Variants in PCID2 observed in about 807,000 individuals in gnomAD.
PCID2 encodes PCI domain containing 2.
In PCID2, 41 loss-of-function variants were observed where a neutral mutation model predicts 61.3. The ratio of observed to expected loss-of-function variants is 0.67; its 90% CI spans 0.52 to 0.87. The LOEUF is 0.87. Ranked by LOEUF, PCID2 falls within the 40% of genes least tolerant of loss-of-function variation. PCID2 has a pLI of 0.00. For synonymous variants in PCID2, 187 were observed against 177.8 expected, an observed-to-expected ratio of 1.05 and a Z score of -0.41; for missense variants, 392 against 493.4, an observed-to-expected ratio of 0.79 and a Z score of 1.95.
chr13:113,182,062 G>C (rs2037687045), intron 9 of PCID2, among the ~76,000 whole-genome samples: 1 of 152,164 alleles, frequency 6.6e-6, no homozygotes, highest in Non-Finnish European at 1.5e-5. Flanking sequence ...AGATGTTCCT[G>C]TTTATGTAAG....
intron 6 of PCID2, among the ~76,000 whole-genome samples, chr13:113,193,381 C>G (rs942174824): frequency 6.6e-6 from 1 of 152,122 alleles, no homozygotes; most frequent in Non-Finnish European, 1.5e-5. Context: ...CCATCTACAA[C>G]TTTGTGATGT....
chr13:113,170,905 G>A, the PCID2 span, among the ~76,000 whole-genome samples: 13 of 150,876 alleles, frequency 8.6e-5, no homozygotes, highest in Admixed American at 2.0e-4. Context: ...CCTTCTCATC[G>A]GCTTATCTGT....
At chr13:113,192,015 C>T (rs1181220067) in intron 6 of PCID2, among the ~76,000 whole-genome samples, 3 of 152,244 alleles carry the variant, frequency 2.0e-5, no homozygotes, top group South Asian at 4.1e-4. Flanking sequence ...CCAGCACTTT[C>T]GGGAGGCTGA....
chr13:113,193,599 G>A (rs944297699), intron 6 of PCID2, among the ~76,000 whole-genome samples: 4 of 151,876 alleles, frequency 2.6e-5, no homozygotes, highest in African/African-American at 9.7e-5. Context: ...ACATGTAAAA[G>A]GTTTATTATT....
the PCID2 span, among the ~76,000 whole-genome samples, chr13:113,165,684 C>T: frequency 2.0e-5 from 3 of 152,182 alleles, no homozygotes; most frequent in East Asian, 1.9e-4. Flanking sequence ...GAATGTGCCA[C>T]CACGCCCGGC....
At chr13:113,174,493 G>A (rs1274948292), downstream of PCID2, among the ~76,000 whole-genome samples, 1 of 152,162 alleles carries the variant, frequency 6.6e-6, no homozygotes, top group African/African-American at 2.4e-5. Flanking sequence ...TAGCTATGAT[G>A]ACTGTTTTTC....
chr13:113,208,074 T>G, intron 1 of PCID2: 1 of 1,612,828 alleles, frequency 6.2e-7, no homozygotes. Flanking sequence ...ATATGAAGTG[T>G]GCATTGTGCT....
the PCID2 span, chr13:113,171,502 C>T: frequency 2.6e-6 from 4 of 1,543,104 alleles, no homozygotes; most frequent in Non-Finnish European, 3.5e-6. The surrounding 1 kb of genome is among the most constrained non-coding windows in gnomAD (Gnocchi z 5.1). Flanking sequence ...CCGGTCTCTC[C>T]CTCCTCACGT....
chr13:113,198,120 G>T, intron 3 of PCID2, 71 bp downstream of exon 3: 1 of 1,025,128 alleles, frequency 9.8e-7, no homozygotes, highest in Non-Finnish European at 1.5e-6. Flanking sequence ...ACAAGATAAT[G>T]CAAGATAAAA....
chr13:113,172,746 G>T (rs891969909), downstream of PCID2, among the ~76,000 whole-genome samples: 3 of 152,214 alleles, frequency 2.0e-5, no homozygotes, highest in African/African-American at 7.2e-5. Context: ...CCCACGGAAG[G>T]TTCCGGGGCC....
the PCID2 span, among the ~76,000 whole-genome samples, chr13:113,167,276 G>C: frequency 6.6e-6 from 1 of 152,208 alleles, no homozygotes; most frequent in African/African-American, 2.4e-5. Context: ...GTGCAGTGAG[G>C]ATTACAGATA....
At chr13:113,205,279 A>G (rs1351484308) in intron 1 of PCID2, among the ~76,000 whole-genome samples, 1 of 152,252 alleles carries the variant, frequency 6.6e-6, no homozygotes, top group Non-Finnish European at 1.5e-5. Context: ...CATAATGAAG[A>G]AAATCTTTGG....
At chr13:113,171,625 G>T in the PCID2 span, 1 of 1,614,156 alleles carries the variant, frequency 6.2e-7, no homozygotes, top group South Asian at 1.1e-5. The surrounding 1 kb of genome is among the most constrained non-coding windows in gnomAD (Gnocchi z 5.1). Flanking sequence ...ACCCGCTGAT[G>T]ATCAAGATAA....
At chr13:113,184,772 G>C (rs981300129) in intron 8 of PCID2, among the ~76,000 whole-genome samples, 4 of 151,924 alleles carry the variant, frequency 2.6e-5, no homozygotes, top group African/African-American at 9.6e-5. Flanking sequence ...AGCCGTTCCA[G>C]GGGGCACAGC....
chr13:113,205,951 A>G (rs1286621551), intron 1 of PCID2, among the ~76,000 whole-genome samples: 1 of 152,256 alleles, frequency 6.6e-6, no homozygotes, highest in Non-Finnish European at 1.5e-5. Flanking sequence ...GTATATTTTA[A>G]GTTATGAGTA....
chr13:113,173,997 G>A (rs2037153345), downstream of PCID2, among the ~76,000 whole-genome samples: 1 of 152,096 alleles, frequency 6.6e-6, no homozygotes, highest in Non-Finnish European at 1.5e-5. Flanking sequence ...GGGAGGCTGA[G>A]GCGGGCGGAT....
At chr13:113,193,756 C>T (rs1052425307) in intron 6 of PCID2, among the ~76,000 whole-genome samples, 24 of 152,048 alleles carry the variant, frequency 1.6e-4, no homozygotes, top group Non-Finnish European at 2.9e-4. Context: ...TTCTTTATAT[C>T]GCCTATTTCC....
intron 4 of PCID2, 93 bp from the exon 5 acceptor site, chr13:113,196,315 G>T: frequency 1.0e-6 from 1 of 987,726 alleles, no homozygotes; most frequent in Admixed American, 1.8e-5. Flanking sequence ...AAGGAATGTA[G>T]ATCACCCTTG....
chr13:113,201,756 C>G (rs562281812), intron 1 of PCID2, among the ~76,000 whole-genome samples: 1 of 140,686 alleles, frequency 7.1e-6, no homozygotes, highest in Non-Finnish European at 1.5e-5. Context: ...AGCTTGCATG[C>G]AGTGAGCAGA....
Sources: allele counts gnomAD v4.1 joint callset (sites outside exome capture counted in the v4.1 genomes callset), GRCh38; gene constraint gnomAD v4.1.1; non-coding constraint Gnocchi (gnomAD v3.1); transcripts MANE v1.5; gene names NCBI Gene and HGNC (gene_info 2026-07-23, HGNC 2026-07-21).